EDA: variants seen among roughly 807,000 people sequenced by gnomAD.
EDA encodes the protein ectodysplasin A.
Under a neutral mutation model 23.6 loss-of-function variants are expected in EDA, and 2 were observed. The observed-to-expected ratio is 0.08, with a 90% CI of 0.03 to 0.27. The LOEUF (loss-of-function observed/expected upper bound fraction) is 0.27, where lower values mean the gene tolerates loss of function less well. EDA is among the 10% of genes least tolerant of loss of function. The pLI is 1.00. For synonymous variants in EDA, 131 were observed against 132.0 expected, an observed-to-expected ratio of 0.99 and a Z score of 0.05; for missense variants, 229 against 324.2, an observed-to-expected ratio of 0.71 and a Z score of 2.26.
chrX:69,667,119 CTTTTT>C (rs35090201), intron 1 of EDA, among the ~76,000 whole-genome samples: 2 of 86,400 alleles, frequency 2.3e-5, no homozygotes, highest in African/African-American at 9.2e-5. Context: ...TTTTCTTTTT[CTTTTT>C]TTTTTTTTTT....
At chrX:69,895,100 C>T (rs1266688156) in intron 1 of EDA, among the ~76,000 whole-genome samples, 1 of 110,864 alleles carries the variant, frequency 9.0e-6, no homozygotes, top group East Asian at 2.8e-4. Context: ...GCCACATTTG[C>T]GGGGTGGGAT....
At chrX:69,653,449 T>C (rs1933172043) in intron 1 of EDA, among the ~76,000 whole-genome samples, 1 of 111,275 alleles carries the variant, frequency 9.0e-6, no homozygotes, top group East Asian at 2.8e-4. Flanking sequence ...CCTCTTTTCC[T>C]AATTGAATAC....
intron 1 of EDA, among the ~76,000 whole-genome samples, chrX:69,671,822 A>G (rs1933906246): frequency 8.9e-6 from 1 of 112,308 alleles, no homozygotes; most frequent in African/African-American, 3.2e-5. Context: ...TAGACAAAAC[A>G]GTACTGGGAA....
At chrX:69,623,467 C>T (rs1000580529) in intron 1 of EDA, among the ~76,000 whole-genome samples, 1 of 111,346 alleles carries the variant, frequency 9.0e-6, no homozygotes, top group Non-Finnish European at 1.9e-5. Context: ...TATTTAATTG[C>T]CCCCTAAAAG....
chrX:69,719,098 A>G (rs1165293058), intron 1 of EDA, among the ~76,000 whole-genome samples: 7 of 111,321 alleles, frequency 6.3e-5, no homozygotes, highest in Non-Finnish European at 1.1e-4. Flanking sequence ...AGTTATTCAT[A>G]GTATGCCCTT....
chrX:69,880,056 T>C (rs1193229323), intron 1 of EDA, among the ~76,000 whole-genome samples: 1 of 112,009 alleles, frequency 8.9e-6, no homozygotes, highest in Admixed American at 9.5e-5. Context: ...TTGTATCTGA[T>C]TATATTGGGA....
intron 1 of EDA, among the ~76,000 whole-genome samples, chrX:69,886,923 T>C (rs2017837277): frequency 8.9e-6 from 1 of 111,742 alleles, no homozygotes; most frequent in Admixed American, 9.5e-5. Context: ...TTCAAATACA[T>C]GGACATCAAT....
intron 1 of EDA, among the ~76,000 whole-genome samples, chrX:69,912,734 AG>A (rs74818521): frequency 0.54 from 56,921 of 105,317 alleles, 12,661 homozygotes; most frequent in Middle Eastern, 0.73. Flanking sequence ...TCTAGAGCTG[AG>A]GCAGGATGGA....
intron 2 of EDA, among the ~76,000 whole-genome samples, chrX:69,999,350 C>T (rs922737579): frequency 7.2e-5 from 8 of 111,312 alleles, no homozygotes; most frequent in African/African-American, 2.3e-4. Context: ...TAGTGGCTCA[C>T]GCCTGTAATC....
In EDA at chrX:69,821,202, C is replaced by T. The variant is rs148516136; in HGVS notation, c.397-135825C>T. On this transcript the variant is annotated intron_variant, in intron 1 of 7. Transcript: ENST00000374552. Reference sequence around the variant, plus strand: ...AAGTGGGAGGGTTATGATGAGAACACATAGACACATGGGTGGAACAACACA... The same window carrying T: ...AAGTGGGAGGGTTATGATGAGAACATATAGACACATGGGTGGAACAACACA... 4.1e-3 allele frequency among the ~76,000 whole-genome samples: 403 copies of T among 98,469 alleles called. 2 individuals are homozygous for T. Among genetic ancestry groups the T allele is most frequent in the African/African-American group, 0.015 (388 of 25,778 alleles). 85.5% of individuals were successfully genotyped at this position (98,469 alleles called of 115,157 possible). A position where few individuals can be genotyped will look rare whatever the true frequency, so the allele number is the denominator to read the frequency against.
intron 1 of EDA, among the ~76,000 whole-genome samples, chrX:69,773,595 G>GT (rs796834673): frequency 2.5e-3 from 275 of 108,719 alleles, no homozygotes; most frequent in African/African-American, 8.8e-3. Context: ...TTTTGTTGTT[G>GT]TTTTTTTTTA....
chrX:69,773,010 T>A (rs1413588961), intron 1 of EDA, among the ~76,000 whole-genome samples: 1 of 111,614 alleles, frequency 9.0e-6, no homozygotes, highest in Non-Finnish European at 1.9e-5. Context: ...CAAAAAACCC[T>A]CTATCCATTA....
At chrX:70,030,589 A>C in intron 6 of EDA, 69 bp downstream of exon 6, 4 of 984,903 alleles carry the variant, frequency 4.1e-6, no homozygotes, top group Non-Finnish European at 5.7e-6. Flanking sequence ...CCTCCAAATA[A>C]TCACCCAGCC....
chrX:69,732,952 A>AT (rs1393525928), intron 1 of EDA, among the ~76,000 whole-genome samples: 18 of 109,072 alleles, frequency 1.7e-4, no homozygotes, highest in African/African-American at 6.0e-4. Flanking sequence ...GGGTTGTTTG[A>AT]TTTTTTCTTG....
chrX:69,819,481 C>T (rs5936762), intron 1 of EDA, among the ~76,000 whole-genome samples: 23,793 of 111,277 alleles, frequency 0.21, 1,906 homozygotes, highest in East Asian at 0.27. Context: ...AAAACCCCAT[C>T]GTCTAAGCCC....
At position 69,683,610 on chromosome X, in the gene EDA, A is replaced by G. The variant is rs776033972; in HGVS notation, c.396+66906A>G. 1.3e-4 allele frequency among the ~76,000 whole-genome samples: 15 copies of G among 111,407 alleles called. No individual in the cohort carries two copies. In the East Asian group the frequency reaches 3.4e-3, roughly 25 times the overall value. On this transcript the variant is annotated intron_variant, in intron 1 of 7. Coordinates refer to ENST00000374552, the MANE Select transcript of EDA (RefSeq NM_001399.5). ...TTTGCCTTTCATCTTAGTCATTTTT[A>G]TCTAATCTCGCTTACTAGATATTAA...
chrX:69,645,417 T>G (rs189711830), intron 1 of EDA, among the ~76,000 whole-genome samples: 30 of 104,909 alleles, frequency 2.9e-4, no homozygotes, highest in Non-Finnish European at 2.3e-4. Flanking sequence ...TTGATGGTTG[T>G]TTGTATTTCT....
chrX:69,845,626 G>A (rs1184466031), intron 1 of EDA, among the ~76,000 whole-genome samples: 1 of 112,011 alleles, frequency 8.9e-6, no homozygotes, highest in African/African-American at 3.2e-5. Context: ...AAGAATCTCT[G>A]ATTTTTGATA....
chrX:69,787,219 A>C (rs1421192463), intron 1 of EDA, among the ~76,000 whole-genome samples: 8 of 98,455 alleles, frequency 8.1e-5, no homozygotes, highest in African/African-American at 1.4e-4. Flanking sequence ...GAATACAGCA[A>C]ACTGATGGGT....
Sources: gnomAD v4.1 joint callset for allele counts (sites outside exome capture counted in the v4.1 genomes callset) on GRCh38, gnomAD v4.1.1 for gene constraint, MANE v1.5 for transcripts, NCBI Gene and HGNC (gene_info 2026-07-23, HGNC 2026-07-21) for gene names.